Variants in TANC2 observed in about 807,000 individuals in gnomAD.
TANC2 encodes protein TANC2.
A neutral mutation model predicts 210.5 loss-of-function variants in TANC2; 26 were observed. The ratio of observed to expected loss-of-function variants is 0.12; its 90% CI spans 0.09 to 0.17. TANC2 has a LOEUF of 0.17. Ranked by LOEUF, TANC2 falls within the 10% of genes least tolerant of loss-of-function variation. The pLI is 1.00. For synonymous variants in TANC2, 931 were observed against 967.1 expected (o/e 0.96, Z 0.69); for missense variants, 2,129 against 2,608.9 (o/e 0.82, Z 4.01).
In TANC2 at chr17:63,421,575, A is replaced by C. The variant is rs2049025236; in HGVS notation, c.5845A>C (p.Asn1949His). 6.2e-7 allele frequency: 1 copy of C among 1,614,016 alleles called. No individual in the cohort carries two copies. The highest frequency in any genetic ancestry group is 2.2e-5 in the East Asian group (1 of 44,888). The change falls in exon 28 of 28, where the codon AAT (asparagine) becomes CAT (histidine). Residue 1949 changes from asparagine to histidine, a missense_variant. Asn to His is a moderately conservative substitution (Grantham distance 68). This residue lies in a region of TANC2 where 161 missense variants were observed against 178.6 expected (regional missense o/e 0.90). Coordinates refer to ENST00000689528, the Ensembl canonical transcript of TANC2. This position sits in a 1 kb window ranked among gnomAD's most constrained non-coding sequence, Gnocchi z 6.9. ...GCAGTACCCCCACCTCCACCAGCAG[A>C]ATCGGACCTGGGCAGTGTCATCTGT...
intron 11 of TANC2, among the ~76,000 whole-genome samples, chr17:63,327,583 C>G (rs1345364050): frequency 1.3e-5 from 2 of 152,010 alleles, no homozygotes; most frequent in African/African-American, 4.8e-5. Flanking sequence ...GGTATATACC[C>G]AAAGAAATAT....
intron 8 of TANC2, among the ~76,000 whole-genome samples, chr17:63,242,297 C>A (rs1003752691): frequency 1.1e-4 from 16 of 151,984 alleles, no homozygotes; most frequent in Non-Finnish European, 2.2e-4. Flanking sequence ...CTATTGTAAA[C>A]AAAAAATACA....
At chr17:63,263,671 T>C (rs553896677) in intron 8 of TANC2, among the ~76,000 whole-genome samples, 17 of 152,222 alleles carry the variant, frequency 1.1e-4, no homozygotes, top group Non-Finnish European at 2.4e-4. Context: ...TCTGCCTTTG[T>C]AGATGCAGTA....
chr17:63,219,819 T>TA (rs915644604), intron 7 of TANC2, among the ~76,000 whole-genome samples: 42 of 150,742 alleles, frequency 2.8e-4, no homozygotes, highest in East Asian at 9.8e-4. Context: ...AAGCAAAAAT[T>TA]AAAAAAAAAG....
chr17:63,239,282 T>C (rs1189991829), intron 8 of TANC2, among the ~76,000 whole-genome samples: 2 of 152,228 alleles, frequency 1.3e-5, no homozygotes, highest in Non-Finnish European at 2.9e-5. Context: ...TGCTGTTTAA[T>C]AATTCAAACC....
rs143764403 is a variant in TANC2 at position 62,969,692 on chromosome 17, A to AGTGTGT, written c.-24+2958_-24+2963dup. Among the ~76,000 whole-genome samples, 3 of 149,982 alleles carry AGTGTGT rather than the reference A, an allele frequency of 2.0e-5. No individual in the cohort carries two copies. In the East Asian group the frequency reaches 5.8e-4, roughly 29 times the overall value. On this transcript the variant is annotated intron_variant, in intron 1 of 27. Coordinates refer to ENST00000689528, the Ensembl canonical transcript of TANC2. ...AAGTTAATTTCAAGTAGTTTAATAT[A>AGTGTGT]GTGTGTGTGTGTGTGTGTGTATATA...
chr17:63,134,193 T>G (rs2039012821), intron 4 of TANC2, among the ~76,000 whole-genome samples: 1 of 152,116 alleles, frequency 6.6e-6, no homozygotes, highest in African/African-American at 2.4e-5. Flanking sequence ...AAATTACTTC[T>G]TGTAATTTTT....
chr17:62,966,348 G>A lies in TANC2; in HGVS notation c.-425G>A, dbSNP rs2031330167. Among the ~76,000 whole-genome samples, 1 of 146,938 alleles carries A rather than the reference G, an allele frequency of 6.8e-6. No individual in the cohort carries two copies. Among genetic ancestry groups the A allele is most frequent in the Non-Finnish European group, 1.5e-5 (1 of 66,046 alleles). On this transcript the variant is annotated 5_prime_UTR_variant, in exon 1 of 28. Coordinates refer to ENST00000689528, the Ensembl canonical transcript of TANC2. This position sits in a 1 kb window ranked among gnomAD's most constrained non-coding sequence, Gnocchi z 5.1. Reference sequence around the variant, plus strand: ...GCCCGCCCGGCGGGGGAAGCTGCGAGCGCTCCGAGCGCCCGGCCTAGGGCC... The same window carrying A: ...GCCCGCCCGGCGGGGGAAGCTGCGAACGCTCCGAGCGCCCGGCCTAGGGCC...
intron 9 of TANC2, among the ~76,000 whole-genome samples, chr17:63,288,465 T>A (rs185711305): frequency 8.9e-4 from 136 of 152,376 alleles, no homozygotes; most frequent in African/African-American, 3.2e-3. Flanking sequence ...AAATACTCCG[T>A]GTGAACTTGA....
intron 2 of TANC2, among the ~76,000 whole-genome samples, chr17:63,073,063 T>A (rs148419439): frequency 6.6e-6 from 1 of 152,128 alleles, no homozygotes. Context: ...AGTGATTGTA[T>A]GAAAGAACGA....
intron 20 of TANC2, 59 bp downstream of exon 20, chr17:63,405,314 C>G: frequency 6.8e-7 from 1 of 1,460,212 alleles, no homozygotes; most frequent in South Asian, 1.4e-5. Flanking sequence ...GTGAGGACTT[C>G]TGATGCACAG....
At chr17:63,176,784 C>A (rs1237765795) in intron 5 of TANC2, among the ~76,000 whole-genome samples, 3 of 120,030 alleles carry the variant, frequency 2.5e-5, no homozygotes, top group African/African-American at 3.4e-5. Flanking sequence ...CCAGCCTGGG[C>A]GACAGAGCAA....
At chr17:63,064,458 GAAAAACAAACAAACATAC>G (rs1047851227) in intron 2 of TANC2, among the ~76,000 whole-genome samples, 3 of 152,040 alleles carry the variant, frequency 2.0e-5, no homozygotes, top group African/African-American at 7.2e-5. Flanking sequence ...GACCCTATCT[GAAAAACAAACAAACATAC>G]AAAAACAAAC....
At chr17:63,073,272 T>C (rs1477465815) in intron 2 of TANC2, among the ~76,000 whole-genome samples, 1 of 152,106 alleles carries the variant, frequency 6.6e-6, no homozygotes, top group Non-Finnish European at 1.5e-5. Context: ...ATTTTTCTGT[T>C]TCTATATAAC....
At chr17:63,234,462 C>T (rs2042565686) in intron 7 of TANC2, among the ~76,000 whole-genome samples, 2 of 152,088 alleles carry the variant, frequency 1.3e-5, no homozygotes, top group Admixed American at 1.3e-4. Context: ...TATTTTCGTT[C>T]TGATATTTCA....
Position 63,032,512 on chromosome 17 carries a change from A to C in TANC2, c.67+22886A>C, listed in dbSNP as rs1421322946. 3.3e-5 allele frequency among the ~76,000 whole-genome samples: 5 copies of C among 152,288 alleles called. No homozygotes were observed. The East Asian group carries it at 9.6e-4, about 29-fold the overall frequency. On this transcript the variant is annotated intron_variant, in intron 2 of 27. Transcript: ENST00000689528. ...TGTAGGAGCTATTGCAGCAGCATCC[A>C]GGCAAGAGATAATGAGGGTCTGAAC...
intron 2 of TANC2, among the ~76,000 whole-genome samples, chr17:63,024,086 A>C (rs1269860677): frequency 6.6e-6 from 1 of 152,142 alleles, no homozygotes; most frequent in Non-Finnish European, 1.5e-5. Context: ...TTATCATATA[A>C]ATTATTTATT....
intron 3 of TANC2, chr17:63,088,519 T>C (rs117595975): frequency 0.018 from 2,713 of 152,320 alleles, 35 homozygotes; most frequent in South Asian, 0.025. Flanking sequence ...GTATAGCCAT[T>C]GTAAGGTGAA....
intron 8 of TANC2, among the ~76,000 whole-genome samples, chr17:63,255,903 C>CTTTTTTT (rs1170508286): frequency 1.1e-3 from 96 of 84,198 alleles, no homozygotes; most frequent in African/African-American, 1.7e-3. Context: ...TTTGACTTTT[C>CTTTTTTT]TTTTTTTTTT....
Sources: allele counts gnomAD v4.1 joint callset (sites outside exome capture counted in the v4.1 genomes callset), GRCh38; gene constraint gnomAD v4.1.1; regional missense constraint gnomAD v4.1.1; non-coding constraint Gnocchi (gnomAD v3.1); transcripts MANE v1.5; gene names NCBI Gene and HGNC (gene_info 2026-07-23, HGNC 2026-07-21).